The following UNC13A variants were observed in gnomAD, a reference collection of about 807,000 sequenced individuals.
UNC13A encodes the protein unc-13 homolog A.
In UNC13A, 61 loss-of-function variants were observed where a neutral mutation model predicts 219.7. The observed-to-expected ratio is 0.28, with a 90% CI of 0.23 to 0.34. The LOEUF is 0.34. Among genes scored for constraint, UNC13A ranks in the 10% least tolerant of loss-of-function variants. The pLI, the probability that UNC13A is intolerant of heterozygous loss-of-function variation, is 1.00. For synonymous variants in UNC13A, 920 were observed against 884.6 expected (o/e 1.04, Z -0.71); for missense variants, 1,476 against 2,270.3 (o/e 0.65, Z 7.11).
intron 22 of UNC13A, 122 bp downstream of exon 22, chr19:17,640,389 A>G: frequency 7.7e-7 from 1 of 1,295,308 alleles, no homozygotes; most frequent in Non-Finnish European, 1.0e-6. Flanking sequence ...AGAGACGGGA[A>G]GTGACTGGTG....
chr19:17,678,679 G>A (rs995117099), intron 1 of UNC13A, among the ~76,000 whole-genome samples: 2 of 152,006 alleles, frequency 1.3e-5, no homozygotes, highest in Non-Finnish European at 2.9e-5. Flanking sequence ...AGAGGCTCAG[G>A]AACACTCAGG....
intron 31 of UNC13A, 101 bp from the exon 32 acceptor site, chr19:17,628,041 C>T (rs56388321): frequency 0.47 from 547,634 of 1,170,212 alleles, 136,344 homozygotes; most frequent in African/African-American, 0.76. Flanking sequence ...GGGTCTGGGT[C>T]TGGAGGAAGC....
In UNC13A at chr19:17,682,263, T is replaced by C. The variant is rs115679246; in HGVS notation, c.22+5915A>G. 8.7e-3 allele frequency among the ~76,000 whole-genome samples: 1,327 copies of C among 152,262 alleles called. 24 individuals carry two copies. The highest frequency in any genetic ancestry group is 0.03 in the African/African-American group (1,244 of 41,560). Reference sequence around the variant, plus strand: ...GCCACCGGGGCCGGCCCATCATTGATTTTTCATGTCTTTTGCTCACGATTA... The same window carrying C: ...GCCACCGGGGCCGGCCCATCATTGACTTTTCATGTCTTTTGCTCACGATTA... On this transcript the variant is annotated intron_variant, in intron 1 of 43. Transcript: ENST00000519716.
chr19:17,610,379 T>C (rs1299063291), intron 42 of UNC13A, among the ~76,000 whole-genome samples: 1 of 152,060 alleles, frequency 6.6e-6, no homozygotes, highest in Non-Finnish European at 1.5e-5. Context: ...AGCAGGAGGA[T>C]TGCTTGAGCC....
intron 27 of UNC13A, 42 bp downstream of exon 27, chr19:17,633,066 C>T: frequency 6.2e-7 from 1 of 1,611,742 alleles, no homozygotes; most frequent in East Asian, 2.2e-5. Flanking sequence ...GTACAGCCAC[C>T]TGGTGTGGCC....
At chr19:17,628,643 G>T (rs1033222877) in intron 31 of UNC13A, among the ~76,000 whole-genome samples, 1 of 151,976 alleles carries the variant, frequency 6.6e-6, no homozygotes, top group African/African-American at 2.4e-5. Context: ...TTGTATAGTT[G>T]AACACACATA....
Position 17,632,892 on chromosome 19 carries a change from A to G in UNC13A, c.3318T>C (p.Arg1106=), listed in dbSNP as rs1389041049. The G allele has an allele frequency of 1.1e-5, 17 of 1,613,980 alleles. No homozygotes were observed. Among genetic ancestry groups the G allele is most frequent in the Non-Finnish European group, 1.4e-5 (17 of 1,179,896 alleles). The change falls in exon 28 of 44, where the codon CGT becomes CGC. Residue 1106 remains arginine, a synonymous_variant. Transcript: ENST00000519716. The part of the protein sequence containing the change: ...KYAMEEHDKH[R]LCKSADYMNL... ...TCATGTAGTCGGCACTCTTGCATAG[A>G]CGATGCTTGTCGTGCTCTGGCCAGG...
intron 33 of UNC13A, 147 bp from the exon 34 acceptor site, chr19:17,626,932 G>A (rs906126947): frequency 7.9e-6 from 10 of 1,268,004 alleles, no homozygotes; most frequent in African/African-American, 6.1e-5. Flanking sequence ...GGTGGCTCAC[G>A]CCTTTAATCC....
Position 17,621,308 on chromosome 19 carries a change from C to T in UNC13A, c.4242+524G>A, listed in dbSNP as rs573414380. Among the ~76,000 whole-genome samples, 13 of 152,208 alleles carry T rather than the reference C, an allele frequency of 8.5e-5. 1 individual carries two copies. In the South Asian group the frequency reaches 2.3e-3, roughly 27 times the overall value. ...CCGCAAAGGGCTGGCAGAGAGAGTA[C>T]GGAACCCCTGTGACCCACATTCACA... On this transcript the variant is annotated intron_variant, in intron 37 of 43. Coordinates refer to ENST00000519716, the MANE Select transcript of UNC13A (RefSeq NM_001080421.3).
In UNC13A at chr19:17,633,110, T is replaced by C. The variant is rs961502508; in HGVS notation, c.3299A>G (p.Glu1100Gly). Residue 1100 changes from glutamate to glycine, a missense_variant and splice_region_variant, in exon 27 of 44, where the codon GAG (glutamate) becomes GGG (glycine). Around this residue, in one of 14 missense-constraint regions of UNC13A, gnomAD observed 218 missense variants for 409.4 expected, o/e 0.53. Coordinates refer to ENST00000519716, the MANE Select transcript of UNC13A (RefSeq NM_001080421.3). ...LFAQDMKYAM[E>G]EHDKHRLCKS... ...GAACACTGGGGTGGGAAACTCACCC[T>C]CCATGGCGTACTTCATGTCTTGGGC... 1 of 1,614,108 alleles carries C rather than the reference T, an allele frequency of 6.2e-7. No homozygotes were observed. The highest frequency in any genetic ancestry group is 8.5e-7 in the Non-Finnish European group (1 of 1,179,974).
At chr19:17,616,113 C>T (rs2076659436) in intron 41 of UNC13A, among the ~76,000 whole-genome samples, 1 of 152,178 alleles carries the variant, frequency 6.6e-6, no homozygotes, top group African/African-American at 2.4e-5. Context: ...GGAATCAGAG[C>T]CCAGCTCTTA....
chr19:17,616,395 C>T (rs1289449159), intron 41 of UNC13A: 2 of 656,342 alleles, frequency 3.0e-6, no homozygotes, highest in East Asian at 3.0e-5. Context: ...GGGCGGGAGG[C>T]GGAGGCACGT....
At chr19:17,646,185 G>A (rs28510435) in intron 17 of UNC13A, 74 bp from the exon 18 acceptor site, 308,731 of 1,576,710 alleles carry the variant, frequency 0.2, 31,475 homozygotes, top group Non-Finnish European at 0.21. Context: ...ACTGCCACAC[G>A]CTGCAGGCTG....
intron 1 of UNC13A, among the ~76,000 whole-genome samples, chr19:17,679,729 C>T (rs1241360871): frequency 1.3e-5 from 2 of 152,070 alleles, no homozygotes; most frequent in South Asian, 4.2e-4. Context: ...CCCTCCTCCC[C>T]GTTCTATTTC....
intron 1 of UNC13A, among the ~76,000 whole-genome samples, chr19:17,686,473 T>C (rs1750767593): frequency 6.6e-6 from 1 of 151,708 alleles, no homozygotes; most frequent in African/African-American, 2.4e-5. Context: ...CCCGGCTACT[T>C]AGAGCAGGGG....
Position 17,615,205 on chromosome 19 carries a change from T to G in UNC13A, c.4558+2497A>C, listed in dbSNP as rs541370934. 8.5e-5 allele frequency among the ~76,000 whole-genome samples: 13 copies of G among 152,286 alleles called. No individual in the cohort carries two copies. The South Asian group carries it at 2.7e-3, about 32-fold the overall frequency. Reference sequence around the variant, plus strand: ...TCTGTTTCAGTTTCCCCAAGAAGGCTAGGCATGGAGGCTCATGCCTGTAAT... The same window carrying G: ...TCTGTTTCAGTTTCCCCAAGAAGGCGAGGCATGGAGGCTCATGCCTGTAAT... On this transcript the variant is annotated intron_variant, in intron 41 of 43. Coordinates refer to ENST00000519716, the MANE Select transcript of UNC13A (RefSeq NM_001080421.3).
chr19:17,686,387 G>C (rs570563512), intron 1 of UNC13A, among the ~76,000 whole-genome samples: 116 of 151,350 alleles, frequency 7.7e-4, no homozygotes, highest in Admixed American at 4.0e-3. Context: ...CGGGATGCTG[G>C]GGGGAGAAGA....
chr19:17,686,301 C>A (rs1200274851), intron 1 of UNC13A, among the ~76,000 whole-genome samples: 1 of 12,434 alleles, frequency 8.0e-5, no homozygotes, highest in Non-Finnish European at 2.2e-4. Context: ...GATCCCCGCC[C>A]CCCCCCCCCC....
At chr19:17,651,401 AT>A (rs542544201) in intron 12 of UNC13A, among the ~76,000 whole-genome samples, 2,062 of 151,460 alleles carry the variant, frequency 0.014, 12 homozygotes, top group Non-Finnish European at 0.018. Flanking sequence ...TTTTTTGTAT[AT>A]TTTAGTAGAG....
Sources: gnomAD v4.1 joint callset for allele counts (sites outside exome capture counted in the v4.1 genomes callset) on GRCh38, gnomAD v4.1.1 for gene constraint, gnomAD v4.1.1 regional missense constraint, MANE v1.5 for transcripts, NCBI Gene and HGNC (gene_info 2026-07-23, HGNC 2026-07-21) for gene names.